Variants in SPOCK1 observed in about 807,000 individuals in gnomAD.
SPOCK1 encodes testican-1.
In SPOCK1, 23 loss-of-function variants were observed where a neutral mutation model predicts 55.3. That is an observed-to-expected ratio of 0.42 (90% CI 0.30 to 0.59). The LOEUF is 0.59. Among genes scored for constraint, SPOCK1 ranks in the 20% least tolerant of loss-of-function variants. SPOCK1 has a pLI of 0.22. For missense variants in SPOCK1, 499 were observed against 552.5 expected (o/e 0.90, Z 0.97); for synonymous variants, 226 against 221.0 (o/e 1.02, Z -0.20).
At chr5:137,207,325 T>C (rs1755536701) in intron 3 of SPOCK1, among the ~76,000 whole-genome samples, 1 of 152,242 alleles carries the variant, frequency 6.6e-6, no homozygotes, top group South Asian at 2.1e-4. Flanking sequence ...GGGGCTGTTC[T>C]AAGTTGGAAC....
At position 137,181,545 on chromosome 5, in the gene SPOCK1, C is replaced by T. The variant is rs141675112; in HGVS notation, c.233-40851G>A. 1.8e-3 allele frequency among the ~76,000 whole-genome samples: 279 copies of T among 152,330 alleles called. 1 individual carries two copies. Among genetic ancestry groups the T allele is most frequent in the African/African-American group, 6.1e-3 (255 of 41,580 alleles). On this transcript the variant is annotated intron_variant, in intron 3 of 10. Coordinates refer to ENST00000394945, the MANE Select transcript of SPOCK1 (RefSeq NM_004598.4). ...TGGGAGAAACAGTCACAGGGCTGGACTTGGAGGGGCCCCACGGCCAGTTTC... is the reference window on the plus strand; with the variant it reads ...TGGGAGAAACAGTCACAGGGCTGGATTTGGAGGGGCCCCACGGCCAGTTTC...
intron 2 of SPOCK1, among the ~76,000 whole-genome samples, chr5:137,304,998 T>C (rs1200288124): frequency 6.6e-6 from 1 of 152,184 alleles, no homozygotes. Flanking sequence ...AACCAAAGCG[T>C]TGGCAGAGCC....
intron 3 of SPOCK1, among the ~76,000 whole-genome samples, chr5:137,147,335 G>A (rs9968687): frequency 0.39 from 58,960 of 152,070 alleles, 11,674 homozygotes; most frequent in East Asian, 0.6. Flanking sequence ...TTAATAATCT[G>A]TAATAAGGGA....
At chr5:137,159,222 C>T (rs1375628686) in intron 3 of SPOCK1, among the ~76,000 whole-genome samples, 1 of 152,020 alleles carries the variant, frequency 6.6e-6, no homozygotes, top group African/African-American at 2.4e-5. Context: ...AGAACATGAA[C>T]ATCAGAAGGA....
intron 3 of SPOCK1, among the ~76,000 whole-genome samples, chr5:137,144,549 G>A (rs1181942642): frequency 6.6e-6 from 1 of 152,096 alleles, no homozygotes. Flanking sequence ...TAATCACCTC[G>A]CCGCATTTTG....
At chr5:137,486,933 C>T (rs1464558120) in intron 2 of SPOCK1, among the ~76,000 whole-genome samples, 1 of 152,170 alleles carries the variant, frequency 6.6e-6, no homozygotes, top group Non-Finnish European at 1.5e-5. Flanking sequence ...GGAAGTGAGG[C>T]CTTGGCCAGA....
intron 4 of SPOCK1, among the ~76,000 whole-genome samples, chr5:137,137,412 C>T (rs1050435387): frequency 2.0e-5 from 3 of 152,146 alleles, no homozygotes; most frequent in Admixed American, 6.5e-5. Context: ...GGGAAGGTGT[C>T]CAAGACCCTT....
chr5:137,438,651 C>CACACAA, intron 2 of SPOCK1, among the ~76,000 whole-genome samples: 1 of 15,920 alleles, frequency 6.3e-5, no homozygotes, highest in South Asian at 5.7e-3. Flanking sequence ...TTTGCATATG[C>CACACAA]ACACACACAC....
chr5:137,163,597 C>G (rs1027388479), intron 3 of SPOCK1, among the ~76,000 whole-genome samples: 4 of 152,160 alleles, frequency 2.6e-5, no homozygotes, highest in African/African-American at 9.7e-5. Flanking sequence ...TCATAATAAT[C>G]TTTTGAAGTA....
chr5:137,403,549 T>A (rs1752029231), intron 2 of SPOCK1, among the ~76,000 whole-genome samples: 1 of 151,640 alleles, frequency 6.6e-6, no homozygotes, highest in Admixed American at 6.6e-5. Flanking sequence ...TATGGGAAAA[T>A]GAAACTGTAC....
At chr5:137,251,529 TATAG>T (rs1282888244) in intron 3 of SPOCK1, among the ~76,000 whole-genome samples, 2 of 152,158 alleles carry the variant, frequency 1.3e-5, no homozygotes, top group Non-Finnish European at 2.9e-5. Context: ...AGAGCTTCCT[TATAG>T]AACACAAGGC....
At chr5:137,344,059 T>C (rs534310557) in intron 2 of SPOCK1, among the ~76,000 whole-genome samples, 3 of 152,304 alleles carry the variant, frequency 2.0e-5, no homozygotes, top group African/African-American at 4.8e-5. Context: ...AAAAATATAA[T>C]TGACACAATA....
At chr5:137,403,665 C>T (rs187937711) in intron 2 of SPOCK1, among the ~76,000 whole-genome samples, 12 of 98,152 alleles carry the variant, frequency 1.2e-4, no homozygotes, top group African/African-American at 4.5e-4. Flanking sequence ...AGAGAATTGG[C>T]CAAGCAGATA....
At chr5:137,412,705 C>G (rs535891791) in intron 2 of SPOCK1, among the ~76,000 whole-genome samples, 1 of 152,224 alleles carries the variant, frequency 6.6e-6, no homozygotes, top group African/African-American at 2.4e-5. Flanking sequence ...GGAGTCTTCA[C>G]CTGGGCCTGT....
At chr5:137,441,804 T>C (rs1458171408) in intron 2 of SPOCK1, among the ~76,000 whole-genome samples, 1 of 152,230 alleles carries the variant, frequency 6.6e-6, no homozygotes, top group Non-Finnish European at 1.5e-5. Context: ...AGGGAATGTT[T>C]CTGTCTATGT....
At chr5:137,214,614 T>C (rs1755680185) in intron 3 of SPOCK1, among the ~76,000 whole-genome samples, 1 of 152,050 alleles carries the variant, frequency 6.6e-6, no homozygotes, top group Admixed American at 6.6e-5. Flanking sequence ...TCAAACCAAT[T>C]GGGATAAATA....
chr5:137,333,100 CTG>C (rs1758217441), intron 2 of SPOCK1, among the ~76,000 whole-genome samples: 1 of 152,134 alleles, frequency 6.6e-6, no homozygotes, highest in Non-Finnish European at 1.5e-5. Context: ...GCCTGGGAGT[CTG>C]TGGTTTTTAT....
chr5:137,314,881 G>T (rs1243450834), intron 2 of SPOCK1, among the ~76,000 whole-genome samples: 1 of 152,124 alleles, frequency 6.6e-6, no homozygotes, highest in East Asian at 1.9e-4. Context: ...GTCTTTAATT[G>T]GCTTTACTGA....
At chr5:137,112,889 C>T (rs1352424169) in intron 4 of SPOCK1, among the ~76,000 whole-genome samples, 1 of 152,002 alleles carries the variant, frequency 6.6e-6, no homozygotes, top group Non-Finnish European at 1.5e-5. Context: ...TAATCAGCCC[C>T]AATACCGTAT....
Sources: gnomAD v4.1 joint callset for allele counts (sites outside exome capture counted in the v4.1 genomes callset) on GRCh38, gnomAD v4.1.1 for gene constraint, MANE v1.5 for transcripts, NCBI Gene and HGNC (gene_info 2026-07-23, HGNC 2026-07-21) for gene names.